DPY19L1: variants seen among roughly 807,000 people sequenced by gnomAD.
DPY19L1 encodes dpy-19 like C-mannosyltransferase 1, also known as protein C-mannosyl-transferase DPY19L1.
In DPY19L1, 35 loss-of-function variants were observed where a neutral mutation model predicts 96.9. That is an observed-to-expected ratio of 0.36 (90% CI 0.28 to 0.48). The LOEUF (loss-of-function observed/expected upper bound fraction) is 0.48. Ranked by LOEUF, DPY19L1 falls within the 20% of genes least tolerant of loss-of-function variation. The pLI, the probability that DPY19L1 is intolerant of heterozygous loss-of-function variation, is 0.99. For missense variants in DPY19L1, 521 were observed against 777.9 expected (o/e 0.67, Z 3.93); for synonymous variants, 205 against 252.6 (o/e 0.81, Z 1.79).
intron 14 of DPY19L1, among the ~76,000 whole-genome samples, chr7:34,949,495 G>A (rs1017640937): frequency 1.3e-5 from 2 of 152,206 alleles, no homozygotes; most frequent in South Asian, 2.1e-4. Flanking sequence ...AAGAGTTTGA[G>A]AGCTTGACTA....
chr7:35,029,887 C>T (rs920039873), intron 1 of DPY19L1, among the ~76,000 whole-genome samples: 1 of 152,190 alleles, frequency 6.6e-6, no homozygotes, highest in Non-Finnish European at 1.5e-5. Context: ...ATGTAATTAA[C>T]AAAGACAAGA....
intron 7 of DPY19L1, among the ~76,000 whole-genome samples, chr7:34,977,311 T>G (rs1304543075): frequency 6.6e-6 from 1 of 152,212 alleles, no homozygotes; most frequent in African/African-American, 2.4e-5. Flanking sequence ...ATTCCAACCA[T>G]GTAATGTACA....
At chr7:34,938,349 A>G (rs1255773196) in intron 20 of DPY19L1, among the ~76,000 whole-genome samples, 1 of 152,106 alleles carries the variant, frequency 6.6e-6, no homozygotes, top group African/African-American at 2.4e-5. Context: ...TACATTCCCA[A>G]ACTTGGTCTC....
At chr7:34,973,715 G>T in intron 7 of DPY19L1, 110 bp from the exon 8 acceptor site, 2 of 544,748 alleles carry the variant, frequency 3.7e-6, no homozygotes, top group South Asian at 8.8e-5. Flanking sequence ...TTTAAACGGT[G>T]TGTTGTAAAA....
At chr7:35,018,101 G>C (rs1785904377) in intron 2 of DPY19L1, 132 bp from the exon 3 acceptor site, 3 of 549,686 alleles carry the variant, frequency 5.5e-6, no homozygotes, top group East Asian at 6.3e-5. Flanking sequence ...AAATACAATA[G>C]TATCTATATT....
At chr7:35,011,289 T>C in intron 5 of DPY19L1, 41 bp downstream of exon 5, 2 of 1,602,912 alleles carry the variant, frequency 1.2e-6, no homozygotes, top group African/African-American at 2.7e-5. Context: ...GTTTATTATG[T>C]TACAACAGAT....
At chr7:35,037,856 C>CGCGGGGGCGGACGGCCTT, upstream of DPY19L1, 2 of 1,235,012 alleles carry the variant, frequency 1.6e-6, no homozygotes, top group South Asian at 4.1e-5. Flanking sequence ...GGTGCGAGGA[C>CGCGGGGGCGGACGGCCTT]GCGGGGGCGG....
chr7:34,949,750 TGTA>T (rs776801356), intron 14 of DPY19L1, 44 bp downstream of exon 14: 1 of 1,232,330 alleles, frequency 8.1e-7, no homozygotes, highest in Non-Finnish European at 1.2e-6. Context: ...TTATGAAAAA[TGTA>T]TGGGCCAAAA....
intron 10 of DPY19L1, among the ~76,000 whole-genome samples, 174 bp from the exon 11 acceptor site, chr7:34,958,244 AAC>A (rs771600826): frequency 1.4e-4 from 22 of 152,316 alleles, no homozygotes; most frequent in Admixed American, 8.5e-4. Flanking sequence ...AACCATCATC[AAC>A]AGTTTCCTGT....
intron 18 of DPY19L1, among the ~76,000 whole-genome samples, chr7:34,941,151 G>A (rs1314250973): frequency 6.6e-6 from 1 of 152,176 alleles, no homozygotes; most frequent in Non-Finnish European, 1.5e-5. Flanking sequence ...AGTGCGCAGT[G>A]TAGGTGCTTA....
At chr7:35,033,756 G>A (rs115006982) in intron 1 of DPY19L1, among the ~76,000 whole-genome samples, 2,180 of 152,124 alleles carry the variant, frequency 0.014, 15 homozygotes, top group Middle Eastern at 0.02. Flanking sequence ...CTAAGAAGTC[G>A]CAAGTGTTTC....
chr7:35,014,445 G>T lies in DPY19L1; in HGVS notation c.412-740C>A, dbSNP rs374401140. On this transcript the variant is annotated intron_variant, in intron 3 of 21. Coordinates refer to ENST00000638088, the MANE Select transcript of DPY19L1 (RefSeq NM_001366673.1). ...TAGAAGCCTAACGGAGAGTCTAAGT[G>T]GCAGTATGAGGGAAGACAGAAACAC... 2.6e-5 allele frequency among the ~76,000 whole-genome samples: 4 copies of T among 151,890 alleles called. No individual in the cohort carries two copies. In the East Asian group the frequency reaches 5.8e-4, roughly 22 times the overall value.
At chr7:35,028,769 A>T (rs1339674464) in intron 1 of DPY19L1, among the ~76,000 whole-genome samples, 1 of 152,174 alleles carries the variant, frequency 6.6e-6, no homozygotes, top group African/African-American at 2.4e-5. Flanking sequence ...ATTATATGCT[A>T]AACAAGGGGT....
At chr7:34,982,338 G>A (rs1036802153) in intron 7 of DPY19L1, among the ~76,000 whole-genome samples, 2 of 152,204 alleles carry the variant, frequency 1.3e-5, no homozygotes, top group Non-Finnish European at 2.9e-5. Context: ...ATTTAGGGGT[G>A]AGACAGCATC....
Position 35,027,321 on chromosome 7 carries a change from T to C in DPY19L1, c.299-8725A>G, listed in dbSNP as rs145028137. On this transcript the variant is annotated intron_variant, in intron 1 of 21. Transcript: ENST00000638088. ...ATCACTAACACGCTGGGCTTTGTAC[T>C]CTCCCAGGTGGACTGCACAGCTATT... 2.5e-3 allele frequency among the ~76,000 whole-genome samples: 383 copies of C among 152,328 alleles called. 1 individual carries two copies. The highest frequency in any genetic ancestry group is 4.3e-3 in the Non-Finnish European group (292 of 68,032).
chr7:34,963,875 T>C (rs1185519738), intron 10 of DPY19L1, among the ~76,000 whole-genome samples: 3 of 152,146 alleles, frequency 2.0e-5, no homozygotes, highest in Admixed American at 6.5e-5. Flanking sequence ...ACATGACATA[T>C]ATAAAGTAGT....
At chr7:34,946,389 A>G (rs1256850253) in intron 15 of DPY19L1, among the ~76,000 whole-genome samples, 2 of 152,210 alleles carry the variant, frequency 1.3e-5, no homozygotes, top group Non-Finnish European at 2.9e-5. Flanking sequence ...GATTGTGTGT[A>G]ACCTTATTTT....
intron 3 of DPY19L1, among the ~76,000 whole-genome samples, chr7:35,015,062 T>C (rs1287434068): frequency 6.6e-6 from 1 of 152,196 alleles, no homozygotes; most frequent in Non-Finnish European, 1.5e-5. Flanking sequence ...TCTCTGGAAC[T>C]GTGAGAGAAT....
At chr7:34,967,162 T>G (rs1453795611) in intron 9 of DPY19L1, among the ~76,000 whole-genome samples, 191 bp from the exon 10 acceptor site, 4 of 152,190 alleles carry the variant, frequency 2.6e-5, no homozygotes, top group Non-Finnish European at 4.4e-5. Context: ...TTGATTTTTC[T>G]CTCTGACACA....
Sources: gnomAD v4.1 joint callset for allele counts (sites outside exome capture counted in the v4.1 genomes callset) on GRCh38, gnomAD v4.1.1 for gene constraint, MANE v1.5 for transcripts, NCBI Gene and HGNC (gene_info 2026-07-23, HGNC 2026-07-21) for gene names.